Variants in CPA6 observed in about 807,000 individuals in gnomAD.
CPA6 encodes carboxypeptidase B.
CPA6 carries 58 observed loss-of-function variants against 63.3 expected under a neutral mutation model. The ratio of observed to expected loss-of-function variants is 0.92; its 90% CI spans 0.74 to 1.14. The LOEUF (loss-of-function observed/expected upper bound fraction) is 1.14. Ranked by LOEUF, CPA6 falls within the 50% of genes most tolerant of loss-of-function variation. The pLI, the probability that CPA6 is intolerant of heterozygous loss-of-function variation, is 0.00. For synonymous variants in CPA6, 185 were observed against 179.0 expected (o/e 1.03, Z -0.27); for missense variants, 565 against 526.6 (o/e 1.07, Z -0.71).
chr8:67,606,894 C>T (rs1031271424), intron 2 of CPA6, among the ~76,000 whole-genome samples: 3 of 152,154 alleles, frequency 2.0e-5, no homozygotes, highest in African/African-American at 7.2e-5. Flanking sequence ...GTTTGAGGTC[C>T]TGATAGTTGT....
intron 2 of CPA6, among the ~76,000 whole-genome samples, chr8:67,617,841 A>G (rs572113396): frequency 1.3e-5 from 2 of 152,186 alleles, no homozygotes; most frequent in Non-Finnish European, 2.9e-5. Context: ...TGAGGCCCCC[A>G]TTTTCCTTTT....
intron 1 of CPA6, among the ~76,000 whole-genome samples, chr8:67,632,704 A>G (rs1056746448): frequency 6.6e-6 from 1 of 152,214 alleles, no homozygotes; most frequent in African/African-American, 2.4e-5. Context: ...GCTATTTTGA[A>G]GAATGTTAAA....
chr8:67,488,532 G>A (rs1406473724), intron 6 of CPA6, among the ~76,000 whole-genome samples: 11 of 152,152 alleles, frequency 7.2e-5, no homozygotes, highest in African/African-American at 2.2e-4. Flanking sequence ...TCTTGGCAAC[G>A]TGGGCTCTTT....
chr8:67,538,853 G>A (rs1812645886), intron 2 of CPA6, among the ~76,000 whole-genome samples: 1 of 151,996 alleles, frequency 6.6e-6, no homozygotes, highest in Non-Finnish European at 1.5e-5. Context: ...TAGAGATATG[G>A]TTTCACCGTG....
At chr8:67,634,300 A>G (rs1587656092) in intron 1 of CPA6, among the ~76,000 whole-genome samples, 1 of 149,778 alleles carries the variant, frequency 6.7e-6, no homozygotes, top group South Asian at 2.1e-4. Flanking sequence ...GCTCACTACA[A>G]GCTCCGCCTC....
At chr8:67,561,621 G>C (rs1813215040) in intron 2 of CPA6, among the ~76,000 whole-genome samples, 1 of 152,146 alleles carries the variant, frequency 6.6e-6, no homozygotes, top group Admixed American at 6.6e-5. Flanking sequence ...CCTATTGTGT[G>C]ATTCTGTACT....
Position 67,422,453 on chromosome 8 carries a change from A to G in CPA6, c.*51T>C. On this transcript the variant is annotated 3_prime_UTR_variant, in exon 11 of 11. Coordinates refer to ENST00000297770, the MANE Select transcript of CPA6 (RefSeq NM_020361.5). ...TGAAAACAATTTCTATCCAGGGCCA[A>G]GTAGGCCTTGCTCAGAATCCTATGG... The G allele has an allele frequency of 1.3e-6, 2 of 1,517,524 alleles. No homozygotes were observed. Among genetic ancestry groups the G allele is most frequent in the East Asian group, 2.3e-5 (1 of 44,242 alleles). The allele number at this position is 1,517,524 out of a possible 1,614,324, so 94.0% of individuals were successfully genotyped here.
At chr8:67,602,038 G>A (rs1295072473) in intron 2 of CPA6, among the ~76,000 whole-genome samples, 4 of 152,150 alleles carry the variant, frequency 2.6e-5, no homozygotes, top group African/African-American at 9.6e-5. Flanking sequence ...TAAAAAGGAA[G>A]AAGCTTTTTA....
chr8:67,605,531 C>CTTTTTT (rs68153641), intron 2 of CPA6, among the ~76,000 whole-genome samples: 1 of 125,266 alleles, frequency 8.0e-6, no homozygotes, highest in Middle Eastern at 4.1e-3. Context: ...TATTGTATTG[C>CTTTTTT]TTTTTTTTTT....
chr8:67,687,230 C>G (rs1434528860), intron 1 of CPA6, among the ~76,000 whole-genome samples: 1 of 152,146 alleles, frequency 6.6e-6, no homozygotes, highest in Non-Finnish European at 1.5e-5. Flanking sequence ...ACTGAAAGTC[C>G]CATGAGCAGG....
At chr8:67,502,337 C>T (rs1172856882) in intron 6 of CPA6, among the ~76,000 whole-genome samples, 3 of 152,080 alleles carry the variant, frequency 2.0e-5, no homozygotes, top group East Asian at 1.9e-4. Context: ...GTGGCACACA[C>T]CTGTGGTCCC....
chr8:67,718,463 C>G (rs574811958), intron 1 of CPA6, among the ~76,000 whole-genome samples: 1 of 152,192 alleles, frequency 6.6e-6, no homozygotes, highest in Non-Finnish European at 1.5e-5. Context: ...TTATGTATGG[C>G]TGTGATGAAA....
At chr8:67,643,330 A>G (rs1183534717) in intron 1 of CPA6, among the ~76,000 whole-genome samples, 1 of 152,180 alleles carries the variant, frequency 6.6e-6, no homozygotes, top group African/African-American at 2.4e-5. Flanking sequence ...AACTTTTCTC[A>G]ACAGTAGAAA....
chr8:67,433,993 A>T (rs750392790), intron 9 of CPA6, 45 bp downstream of exon 9: 36 of 1,376,336 alleles, frequency 2.6e-5, no homozygotes, highest in Non-Finnish European at 3.7e-5. Flanking sequence ...AGCTTCAGAA[A>T]AGCAGCATGA....
intron 2 of CPA6, among the ~76,000 whole-genome samples, chr8:67,571,166 CAT>C (rs1169929030): frequency 2.6e-5 from 4 of 152,138 alleles, no homozygotes; most frequent in Non-Finnish European, 4.4e-5. Context: ...ATTATAAACA[CAT>C]GTGCACTCCA....
intron 1 of CPA6, among the ~76,000 whole-genome samples, chr8:67,691,606 C>G (rs1243939570): frequency 6.6e-6 from 1 of 152,196 alleles, no homozygotes; most frequent in Non-Finnish European, 1.5e-5. Flanking sequence ...GAGCAAAAAA[C>G]ATGCTTTTAA....
At chr8:67,555,932 T>C (rs955009570) in intron 2 of CPA6, among the ~76,000 whole-genome samples, 1 of 152,176 alleles carries the variant, frequency 6.6e-6, no homozygotes, top group Admixed American at 6.5e-5. Context: ...CGCCAAGAAG[T>C]GTGTAAGGAA....
intron 2 of CPA6, among the ~76,000 whole-genome samples, chr8:67,546,629 G>A (rs904077954): frequency 6.6e-6 from 1 of 152,134 alleles, no homozygotes; most frequent in Non-Finnish European, 1.5e-5. Flanking sequence ...TGATTGCTGG[G>A]CCCCATGTCC....
intron 1 of CPA6, among the ~76,000 whole-genome samples, chr8:67,670,013 T>C (rs776313723): frequency 3.9e-5 from 6 of 152,248 alleles, no homozygotes; most frequent in Non-Finnish European, 7.3e-5. Context: ...AGTATTTATA[T>C]TGTTTTCACT....
Sources: gnomAD v4.1 joint callset for allele counts (sites outside exome capture counted in the v4.1 genomes callset) on GRCh38, gnomAD v4.1.1 for gene constraint, MANE v1.5 for transcripts, NCBI Gene and HGNC (gene_info 2026-07-23, HGNC 2026-07-21) for gene names.